The following SLC45A2 variants were observed in gnomAD, a reference collection of about 807,000 sequenced individuals.
SLC45A2 encodes the protein membrane-associated transporter protein.
In SLC45A2, 36 loss-of-function variants were observed where a neutral mutation model predicts 45.5. The observed-to-expected ratio is 0.79, with a 90% CI of 0.61 to 1.04. The LOEUF (loss-of-function observed/expected upper bound fraction) is 1.04, where lower values mean the gene tolerates loss of function less well. Among genes scored for constraint, SLC45A2 ranks in the 50% least tolerant of loss-of-function variants. SLC45A2 has a pLI of 0.00. For missense variants in SLC45A2, 719 were observed against 671.0 expected, an observed-to-expected ratio of 1.07 and a Z score of -0.79; for synonymous variants, 306 against 269.3, an observed-to-expected ratio of 1.14 and a Z score of -1.33.
chr5:33,970,006 C>T (rs1026033301), intron 2 of SLC45A2, among the ~76,000 whole-genome samples: 1 of 152,150 alleles, frequency 6.6e-6, no homozygotes, highest in Admixed American at 6.5e-5. Flanking sequence ...CACCGTGAAG[C>T]GTTTTGCAAA....
At chr5:33,969,111 ATTTG>A (rs1752703564) in intron 2 of SLC45A2, among the ~76,000 whole-genome samples, 1 of 122,326 alleles carries the variant, frequency 8.2e-6, no homozygotes, top group Non-Finnish European at 1.8e-5. Flanking sequence ...TCCTTGACCC[ATTTG>A]TTTATCAATA....
At chr5:33,945,437 T>G (rs1035428458) in intron 6 of SLC45A2, among the ~76,000 whole-genome samples, 2 of 152,228 alleles carry the variant, frequency 1.3e-5, no homozygotes, top group Non-Finnish European at 2.9e-5. Flanking sequence ...CAAAATATGG[T>G]TGCTACTTGA....
chr5:33,949,124 A>G (rs1561355467), intron 5 of SLC45A2, among the ~76,000 whole-genome samples: 1 of 152,180 alleles, frequency 6.6e-6, no homozygotes, highest in Non-Finnish European at 1.5e-5. Context: ...TAATTGGTAT[A>G]CCTGTACCTG....
chr5:33,984,099 C>A, intron 1 of SLC45A2, 100 bp downstream of exon 1: 1 of 1,558,498 alleles, frequency 6.4e-7, no homozygotes, highest in Non-Finnish European at 8.8e-7. Flanking sequence ...TCAATTCTAA[C>A]AAATTTCTAG....
chr5:33,981,234 C>T (rs910228160), intron 2 of SLC45A2, among the ~76,000 whole-genome samples: 10 of 152,232 alleles, frequency 6.6e-5, no homozygotes, highest in African/African-American at 9.6e-5. Context: ...TGTGCTCCAA[C>T]GGCCTCACTC....
At chr5:33,957,668 C>T (rs1022986188) in intron 3 of SLC45A2, among the ~76,000 whole-genome samples, 1 of 152,112 alleles carries the variant, frequency 6.6e-6, no homozygotes, top group African/African-American at 2.4e-5. Context: ...TAACAATAGC[C>T]CAAGAAACAA....
intron 2 of SLC45A2, among the ~76,000 whole-genome samples, chr5:33,980,776 T>C (rs1338240451): frequency 6.6e-6 from 1 of 151,880 alleles, no homozygotes; most frequent in Non-Finnish European, 1.5e-5. Flanking sequence ...TGATAAGCAC[T>C]AGAAAGAAAA....
chr5:33,949,902 G>C (rs923580898), intron 5 of SLC45A2, among the ~76,000 whole-genome samples: 2 of 152,052 alleles, frequency 1.3e-5, no homozygotes, highest in Non-Finnish European at 2.9e-5. Context: ...AAAGATGAAG[G>C]TAGGGCTGGA....
chr5:33,979,891 T>G (rs561479529), intron 2 of SLC45A2, among the ~76,000 whole-genome samples: 1 of 152,228 alleles, frequency 6.6e-6, no homozygotes, highest in East Asian at 1.9e-4. Flanking sequence ...AATACTATCA[T>G]GTATTGGCCT....
intron 2 of SLC45A2, among the ~76,000 whole-genome samples, chr5:33,977,264 G>C (rs1752956910): frequency 6.6e-6 from 1 of 152,166 alleles, no homozygotes. Flanking sequence ...ATGAATTTCT[G>C]TTTACCTAGT....
At chr5:33,983,741 G>A (rs546197570) in intron 1 of SLC45A2, among the ~76,000 whole-genome samples, 3 of 152,288 alleles carry the variant, frequency 2.0e-5, no homozygotes, top group East Asian at 3.9e-4. Flanking sequence ...TATGCCCTAC[G>A]CCTATTAAAA....
chr5:33,957,683 C>T (rs1157198995), intron 3 of SLC45A2, among the ~76,000 whole-genome samples: 2 of 152,172 alleles, frequency 1.3e-5, no homozygotes, highest in Admixed American at 1.3e-4. Flanking sequence ...AAACAACAGC[C>T]TGGTTTTCAT....
intron 6 of SLC45A2, among the ~76,000 whole-genome samples, chr5:33,945,421 A>T (rs1190382310): frequency 1.3e-5 from 2 of 152,214 alleles, no homozygotes; most frequent in African/African-American, 2.4e-5. Context: ...AAGCATTTCA[A>T]TCTTTCAAAA....
At chr5:33,975,619 G>A (rs1752906599) in intron 2 of SLC45A2, among the ~76,000 whole-genome samples, 1 of 152,078 alleles carries the variant, frequency 6.6e-6, no homozygotes, top group Non-Finnish European at 1.5e-5. Context: ...ATTCAACTGT[G>A]TTTGCATTTT....
intron 4 of SLC45A2, 61 bp downstream of exon 4, chr5:33,954,300 A>C: frequency 6.2e-7 from 1 of 1,610,280 alleles, no homozygotes; most frequent in Non-Finnish European, 8.5e-7. Flanking sequence ...AAGAACCTCA[A>C]CAGGTGTTAA....
At chr5:33,954,582 A>C in intron 3 of SLC45A2, 78 bp from the exon 4 acceptor site, 1 of 1,586,052 alleles carries the variant, frequency 6.3e-7, no homozygotes, top group South Asian at 1.1e-5. Flanking sequence ...ACACACAGAC[A>C]TGTTATGTAT....
intron 2 of SLC45A2, among the ~76,000 whole-genome samples, chr5:33,975,883 T>C (rs1752914973): frequency 6.6e-6 from 1 of 152,124 alleles, no homozygotes; most frequent in South Asian, 2.1e-4. Context: ...TCTTTCCCCA[T>C]TCCCCCTTCC....
intron 2 of SLC45A2, among the ~76,000 whole-genome samples, chr5:33,974,668 G>A (rs2111993809): frequency 6.6e-6 from 1 of 152,274 alleles, no homozygotes; most frequent in South Asian, 2.1e-4. Flanking sequence ...GAGGGACAAG[G>A]CCCTGCTTGT....
chr5:33,976,598 G>C (rs1030743048), intron 2 of SLC45A2, among the ~76,000 whole-genome samples: 2 of 152,154 alleles, frequency 1.3e-5, no homozygotes, highest in African/African-American at 4.8e-5. Flanking sequence ...AGGGGTGAGG[G>C]GGGTGGGGGA....
Sources: gnomAD v4.1 joint callset for allele counts (sites outside exome capture counted in the v4.1 genomes callset) on GRCh38, gnomAD v4.1.1 for gene constraint, MANE v1.5 for transcripts, NCBI Gene and HGNC (gene_info 2026-07-23, HGNC 2026-07-21) for gene names.